Variants in TAS2R16 observed in about 807,000 individuals in gnomAD.
The protein encoded by TAS2R16 is taste 2 receptor member 16, also known as taste receptor type 2 member 16.
TAS2R16 carries 5 observed loss-of-function variants against 5.0 expected under a neutral mutation model. The ratio of observed to expected loss-of-function variants is 1.00; its 90% CI spans 0.52 to 2.11. TAS2R16 has a LOEUF of 2.11. TAS2R16 is among the 30% of genes most tolerant of loss of function. The pLI, the probability that TAS2R16 is intolerant of heterozygous loss-of-function variation, is 0.01. For synonymous variants in TAS2R16, 142 were observed against 123.3 expected, an observed-to-expected ratio of 1.15 and a Z score of -1.00; for missense variants, 363 against 341.3, an observed-to-expected ratio of 1.06 and a Z score of -0.50.
In TAS2R16 at chr7:122,995,176, C is replaced by T. The variant is rs564548573; in HGVS notation, c.459G>A (p.Gln153=). The change falls in exon 1 of 1, where the codon CAG becomes CAA. Residue 153 remains glutamine, a synonymous_variant. Transcript: ENST00000249284. ...PSAIGNYIQI[Q]LLTMEHLPRN... Reference sequence around the variant, plus strand: ...TTGGTAGATGCTCCATGGTGAGTAACTGAATTTGAATGTAATTCCCAATAG... The same window carrying T: ...TTGGTAGATGCTCCATGGTGAGTAATTGAATTTGAATGTAATTCCCAATAG... 6.7e-5 allele frequency: 108 copies of T among 1,613,804 alleles called. No individual in the cohort carries two copies. In the South Asian group the frequency reaches 1.1e-3, roughly 16 times the overall value.
rs1052885291 is a variant in TAS2R16 at position 122,994,837 on chromosome 7, A to G, written c.798T>C (p.Tyr266=). The G allele has an allele frequency of 1.2e-6, 2 of 1,612,892 alleles. No homozygotes were observed. Among genetic ancestry groups the G allele is most frequent in the Non-Finnish European group, 1.7e-6 (2 of 1,179,538 alleles). The change falls in exon 1 of 1, where the codon TAT becomes TAC. Residue 266 remains tyrosine (Y), a synonymous_variant. Coordinates refer to ENST00000249284, the MANE Select transcript of TAS2R16 (RefSeq NM_016945.3). Reference sequence around the variant, plus strand: ...AAGTGGAATGCATTAAGATGAAAGCATAGACAAAAGCTTCCCAGACCCATA... The same window carrying G: ...AAGTGGAATGCATTAAGATGAAAGCGTAGACAAAAGCTTCCCAGACCCATA... ...CWLWVWEAFV[Y]AFILMHSTSL... is the part of the protein sequence containing the mutation.
chr7:122,994,818 A>T lies in TAS2R16; in HGVS notation c.817T>A (p.Ser273Thr), dbSNP rs1825945708. 3 of 1,610,152 alleles carry T rather than the reference A, an allele frequency of 1.9e-6. No homozygotes were observed. In the African/African-American group the frequency reaches 4.0e-5, roughly 22 times the overall value. Residue 273 changes from serine to threonine, a missense_variant, in exon 1 of 1, where the codon TCC becomes ACC. Coordinates refer to ENST00000249284, the MANE Select transcript of TAS2R16 (RefSeq NM_016945.3). ...AFVYAFILMH[S>T]TSLMLSSPTL... ...GGGCTGCTCAGCATCAGTGAAGTGG[A>T]ATGCATTAAGATGAAAGCATAGACA...
chr7:122,995,149 T>A lies in TAS2R16; in HGVS notation c.486A>T (p.Arg162Ser), dbSNP rs140768905. Residue 162 changes from arginine (R) to serine (S), a missense_variant, in exon 1 of 1, where the codon AGA becomes AGT. Arg to Ser is a moderately radical substitution (Grantham distance 110). Coordinates refer to ENST00000249284, the MANE Select transcript of TAS2R16 (RefSeq NM_016945.3). ...CAAGTTTGTCAGTTACAGTGCTGTT[T>A]CTTGGTAGATGCTCCATGGTGAGTA... ...IQLLTMEHLPRNSTVTDKLEN... is the reference protein window; with the variant it reads ...IQLLTMEHLPSNSTVTDKLEN... The A allele has an allele frequency of 4.3e-6, 7 of 1,613,766 alleles. No homozygotes were observed. The highest frequency in any genetic ancestry group is 5.9e-6 in the Non-Finnish European group (7 of 1,179,896).
rs1325766779 is a variant in TAS2R16, at chr7:122,995,390, G to A, written c.245C>T (p.Thr82Ile). The A allele has an allele frequency of 6.2e-7, 1 of 1,613,520 alleles. No homozygotes were observed. Among genetic ancestry groups the A allele is most frequent in the South Asian group, 1.1e-5 (1 of 91,066 alleles). The change falls in exon 1 of 1, where the codon ACA becomes ATA. Residue 82 changes from threonine (T) to isoleucine (I), a missense_variant. By Grantham distance (89) the Thr-to-Ile change is moderately conservative. Transcript: ENST00000249284. ...GATATTAAAAAATTCCCAGGTGATT[G>A]TTAAGTTGCAAAGTACATAATTCAA... ...FNLNYVLCNL[T>I]ITWEFFNILT...
At position 122,995,504 on chromosome 7, in the gene TAS2R16, G is replaced by A. The variant is rs371319369; in HGVS notation, c.131C>T (p.Pro44Leu). ...CAGGCTGATGAGAATCATGTCCACA[G>A]GCATCAGCCTTCTGACTTGCAGCCA... Reference protein sequence around the residue: ...REWLQVRRLMPVDMILISLGI... With the variant: ...REWLQVRRLMLVDMILISLGI... The change falls in exon 1 of 1, where the codon CCT (proline) becomes CTT (leucine). Residue 44 changes from proline (P) to leucine (L), a missense_variant. Physicochemically the swap from Pro to Leu is moderately conservative, Grantham distance 98 (BLOSUM62 -3). Transcript: ENST00000249284. 4.3e-6 allele frequency: 7 copies of A among 1,613,660 alleles called. No individual in the cohort carries two copies. The African/African-American group carries it at 9.3e-5, about 22-fold the overall frequency.
rs745484887 is a variant in TAS2R16 at position 122,994,821 on chromosome 7, G to C, written c.814C>G (p.His272Asp). 6.2e-7 allele frequency: 1 copy of C among 1,611,158 alleles called. No homozygotes were observed. Among genetic ancestry groups the C allele is most frequent in the South Asian group, 1.1e-5 (1 of 90,636 alleles). ...EAFVYAFILM[H>D]STSLMLSSPT... The stretch of plus-strand genomic sequence containing the variant: ...CTGCTCAGCATCAGTGAAGTGGAAT[G>C]CATTAAGATGAAAGCATAGACAAAA... The change falls in exon 1 of 1, where the codon CAT becomes GAT. Residue 272 changes from histidine (H) to aspartate (D), a missense_variant. Coordinates refer to ENST00000249284, the MANE Select transcript of TAS2R16 (RefSeq NM_016945.3).
chr7:122,994,980 T>TTGCTTGGATTCAC, the TAS2R16 span: 1 of 1,613,832 alleles, frequency 6.2e-7, no homozygotes, highest in Non-Finnish European at 8.5e-7. Flanking sequence ...CGCGCTTTCA[T>TTGCTTGGATTCAC]GCTTGGATTG....
chr7:122,995,331 A>AGG, the TAS2R16 span: 2 of 1,613,614 alleles, frequency 1.2e-6, no homozygotes, highest in African/African-American at 2.7e-5. Context: ...ATGCAGTAGA[A>AGG]CACGGTAAGC....
At position 122,995,297 on chromosome 7, in the gene TAS2R16, T is replaced by C; in HGVS notation, c.338A>G (p.His113Arg). ...TCTCCACCTCAGCCAGAGAAAGATG[T>C]GATGGGTGAAAGAAGAGACCTTGAT... ...YCIKVSSFTH[H>R]IFLWLRWRIL... The change falls in exon 1 of 1, where the codon CAC becomes CGC. Residue 113 changes from histidine to arginine, a missense_variant. Coordinates refer to ENST00000249284, the MANE Select transcript of TAS2R16 (RefSeq NM_016945.3). 1 of 1,613,668 alleles carries C rather than the reference T, an allele frequency of 6.2e-7. No homozygotes were observed. Among genetic ancestry groups the C allele is most frequent in the Non-Finnish European group, 8.5e-7 (1 of 1,179,872 alleles).
In TAS2R16 at chr7:122,994,996, A is replaced by T. The variant is rs767050712; in HGVS notation, c.639T>A (p.Gly213=). 1.2e-6 allele frequency: 2 copies of T among 1,613,732 alleles called. No homozygotes were observed. Among genetic ancestry groups the T allele is most frequent in the Non-Finnish European group, 1.7e-6 (2 of 1,179,864 alleles). The change falls in exon 1 of 1, where the codon GGT becomes GGA. Residue 213 remains glycine, a synonymous_variant. Transcript: ENST00000249284. ...LTKQIQHHST[G]HCNPSMKARF... ...GCGCTTTCATGCTTGGATTGCAGTG[A>T]CCAGTGCTATGATGTTGTATCTGCT...
Position 122,994,853 on chromosome 7 carries a change from C to A in TAS2R16, c.782G>T (p.Trp261Leu). Residue 261 changes from tryptophan to leucine, a missense_variant, in exon 1 of 1, where the codon TGG becomes TTG. Transcript: ENST00000249284. ...GATGAAAGCATAGACAAAAGCTTCC[C>A]AGACCCATAACCAACATCTCTTATC... Reference protein sequence around the residue: ...LFDKRCWLWVWEAFVYAFILM... With the variant: ...LFDKRCWLWVLEAFVYAFILM... 1 of 1,613,502 alleles carries A rather than the reference C, an allele frequency of 6.2e-7. No homozygotes were observed. Among genetic ancestry groups the A allele is most frequent in the East Asian group, 2.2e-5 (1 of 44,836 alleles).
Position 122,995,674 on chromosome 7 carries a change from A to C in TAS2R16, c.-40T>G. 1 of 1,500,134 alleles carries C rather than the reference A, an allele frequency of 6.7e-7. No homozygotes were observed. Among genetic ancestry groups the C allele is most frequent in the Non-Finnish European group, 8.9e-7 (1 of 1,126,790 alleles). The allele number at this position is 1,500,134 out of a possible 1,614,324, so 92.9% of individuals were successfully genotyped here. ...GTGTCTTCCTGGACAAAGACTCTGA[A>C]TCTCTGTACCAATTTCCAGGTAGAG... On this transcript the variant is annotated 5_prime_UTR_variant, in exon 1 of 1. Transcript: ENST00000249284.
At position 122,994,990 on chromosome 7, in the gene TAS2R16, G is replaced by A. The variant is rs373868709; in HGVS notation, c.645C>T (p.Cys215=). Residue 215 remains cysteine (C), a synonymous_variant, in exon 1 of 1, where the codon TGC becomes TGT. Coordinates refer to ENST00000249284, the MANE Select transcript of TAS2R16 (RefSeq NM_016945.3). ...KQIQHHSTGH[C]NPSMKARFTA... is the part of the protein sequence containing the mutation. ...TGAAGCGCGCTTTCATGCTTGGATT[G>A]CAGTGACCAGTGCTATGATGTTGTA... 5.6e-6 allele frequency: 9 copies of A among 1,613,700 alleles called. No individual in the cohort carries two copies. Among genetic ancestry groups the A allele is most frequent in the Non-Finnish European group, 6.8e-6 (8 of 1,179,826 alleles).
Position 122,994,723 on chromosome 7 carries a change from G to A in TAS2R16, c.*36C>T. On this transcript the variant is annotated 3_prime_UTR_variant, in exon 1 of 1. Coordinates refer to ENST00000249284, the MANE Select transcript of TAS2R16 (RefSeq NM_016945.3). ...GGTATTAATTATATCAATTGCTCGG[G>A]AGTCTTTTATCCTGTGCCTCAGGCA... 1 of 1,517,640 alleles carries A rather than the reference G, an allele frequency of 6.6e-7. No homozygotes were observed. 94.0% of individuals were successfully genotyped at this position (1,517,640 alleles called of 1,614,324 possible).
In TAS2R16 at chr7:122,995,568, C is replaced by A; in HGVS notation, c.67G>T (p.Val23Leu). 1 of 1,603,476 alleles carries A rather than the reference C, an allele frequency of 6.2e-7. No individual in the cohort carries two copies. The highest frequency in any genetic ancestry group is 8.5e-7 in the Non-Finnish European group (1 of 1,175,734). Reference protein sequence around the residue: ...IYVLESLTIIVQSSLIVAVLG... With the variant: ...IYVLESLTIILQSSLIVAVLG... ...ACTGCAACAATTAGGCTGCTCTGCACAATAATTGTCAAGGACTCAAGCACA... is the reference window on the plus strand; with the variant it reads ...ACTGCAACAATTAGGCTGCTCTGCAAAATAATTGTCAAGGACTCAAGCACA... Residue 23 changes from valine (V) to leucine (L), a missense_variant, in exon 1 of 1, where the codon GTG becomes TTG. Physicochemically the swap from Val to Leu is conservative, Grantham distance 32. Transcript: ENST00000249284.
rs1455070828 is a variant in TAS2R16, at chr7:122,995,429, C to A, written c.206G>T (p.Cys69Phe). 2 of 1,613,328 alleles carry A rather than the reference C, an allele frequency of 1.2e-6. No individual in the cohort carries two copies. The highest frequency in any genetic ancestry group is 2.2e-5 in the South Asian group (2 of 90,992). The stretch of plus-strand genomic sequence containing the variant: ...TACATAATTCAAATTAAAATAGGAG[C>A]AAAAATTGTTCAGCATTGATGCCCA... ...LQWASMLNNF[C>F]SYFNLNYVLC... The change falls in exon 1 of 1, where the codon TGC becomes TTC. Residue 69 changes from cysteine to phenylalanine, a missense_variant. Cys to Phe is a radical substitution (Grantham distance 205, BLOSUM62 -2). Coordinates refer to ENST00000249284, the MANE Select transcript of TAS2R16 (RefSeq NM_016945.3).
In TAS2R16 at chr7:122,995,512, C is replaced by A. The variant is rs947493434; in HGVS notation, c.123G>T (p.Arg41Ser). Residue 41 changes from arginine to serine, a missense_variant, in exon 1 of 1, where the codon AGG becomes AGT. Physicochemically the swap from Arg to Ser is moderately radical, Grantham distance 110. Transcript: ENST00000249284. ...TGAGAATCATGTCCACAGGCATCAGCCTTCTGACTTGCAGCCATTCTCTGC... is the reference window on the plus strand; with the variant it reads ...TGAGAATCATGTCCACAGGCATCAGACTTCTGACTTGCAGCCATTCTCTGC... ...VLGREWLQVR[R>S]LMPVDMILIS... The A allele has an allele frequency of 6.2e-7, 1 of 1,613,624 alleles. No homozygotes were observed. Among genetic ancestry groups the A allele is most frequent in the African/African-American group, 1.3e-5 (1 of 74,902 alleles).
the TAS2R16 span, chr7:122,995,505 GCATCAGCC>G: frequency 6.2e-7 from 1 of 1,613,630 alleles, no homozygotes; most frequent in Non-Finnish European, 8.5e-7. Context: ...ATGTCCACAG[GCATCAGCC>G]TTCTGACTTG....
chr7:122,994,991 C>A lies in TAS2R16; in HGVS notation c.644G>T (p.Cys215Phe). Residue 215 changes from cysteine to phenylalanine, a missense_variant, in exon 1 of 1, where the codon TGC (cysteine) becomes TTC (phenylalanine). Cys to Phe is a radical substitution (Grantham distance 205). Transcript: ENST00000249284. ...GAAGCGCGCTTTCATGCTTGGATTG[C>A]AGTGACCAGTGCTATGATGTTGTAT... ...KQIQHHSTGH[C>F]NPSMKARFTA... 6.2e-7 allele frequency: 1 copy of A among 1,613,722 alleles called. No homozygotes were observed. The highest frequency in any genetic ancestry group is 2.2e-5 in the East Asian group (1 of 44,840).
Sources: gnomAD v4.1 joint callset for allele counts on GRCh38, gnomAD v4.1.1 for gene constraint, MANE v1.5 for transcripts, NCBI Gene and HGNC (gene_info 2026-07-23, HGNC 2026-07-21) for gene names.